SNX15: variants seen among roughly 807,000 people sequenced by gnomAD.
SNX15 encodes the protein sorting nexin 15, also known as sorting nexin-15.
A neutral mutation model predicts 35.2 loss-of-function variants in SNX15; 29 were observed. The ratio of observed to expected loss-of-function variants is 0.82; its 90% confidence interval spans 0.61 to 1.12. The LOEUF (loss-of-function observed/expected upper bound fraction) is 1.12. SNX15 is among the 50% of genes most tolerant of loss of function. SNX15 has a pLI of 0.00. For synonymous variants in SNX15, 189 were observed against 188.2 expected (o/e 1.00, Z -0.03); for missense variants, 400 against 451.5 (o/e 0.89, Z 1.03).
chr11:65,031,172 G>A (rs945895700), intron 1 of SNX15, among the ~76,000 whole-genome samples: 5 of 151,888 alleles, frequency 3.3e-5, no homozygotes, highest in Admixed American at 2.0e-4. Context: ...GGTGTGTCAC[G>A]CCACCACACC....
Position 65,032,479 on chromosome 11 carries a change from C to T in SNX15, c.184C>T (p.Leu62=). 6.2e-7 allele frequency: 1 copy of T among 1,614,166 alleles called. No individual in the cohort carries two copies. Among genetic ancestry groups the T allele is most frequent in the East Asian group, 2.2e-5 (1 of 44,882 alleles). The change falls in exon 3 of 8, where the codon CTG becomes TTG. Residue 62 remains leucine (L), a synonymous_variant. Coordinates refer to ENST00000377244, the MANE Select transcript of SNX15 (RefSeq NM_013306.5). ...CGACTTCCGCAAGCTGCATGGAGACCTGGCCTACACCCACCGCAACCTCTT... is the reference window on the plus strand; with the variant it reads ...CGACTTCCGCAAGCTGCATGGAGACTTGGCCTACACCCACCGCAACCTCTT... The part of the protein sequence containing the change: ...YSDFRKLHGD[L]AYTHRNLFRR...
chr11:65,032,144 C>A, intron 1 of SNX15, 24 bp from the exon 2 acceptor site: 1 of 1,613,722 alleles, frequency 6.2e-7, no homozygotes, highest in Non-Finnish European at 8.5e-7. Context: ...CTGGTCTCAA[C>A]CAGCTCTTGC....
In SNX15 at chr11:65,035,153, T is replaced by C; in HGVS notation, c.467T>C (p.Leu156Pro). 6.3e-7 allele frequency: 1 copy of C among 1,576,732 alleles called. No individual in the cohort carries two copies. Among genetic ancestry groups the C allele is most frequent in the Non-Finnish European group, 8.6e-7 (1 of 1,161,234 alleles). ...IPTPPPDDPR[L>P]SQLLPAERRG... is the part of the protein sequence containing the mutation. ...ACCCCGCCCCCTGATGACCCCCGGC[T>C]ATCCCAACTGCTCCCTGCAGAAAGG... is the stretch of plus-strand genomic sequence containing the variant. The change falls in exon 5 of 8, where the codon CTA becomes CCA. Residue 156 changes from leucine (L) to proline (P), a missense_variant. Physicochemically the swap from Leu to Pro is moderately conservative, Grantham distance 98 (BLOSUM62 -3). Transcript: ENST00000377244.
At chr11:65,029,053 T>C (rs1265032826) in intron 1 of SNX15, among the ~76,000 whole-genome samples, 1 of 151,726 alleles carries the variant, frequency 6.6e-6, no homozygotes, top group East Asian at 1.9e-4. Context: ...ATTGTGCCAC[T>C]GCACTCCAGC....
rs781333296 is a variant in SNX15, at chr11:65,035,677, A to G, written c.664+14A>G. Reference sequence around the variant, plus strand: ...TCTCCAAGGAAGGTAATGAGCTGGGACAGCCGGGAAGGAGCCAGGGCAGGA... The same window carrying G: ...TCTCCAAGGAAGGTAATGAGCTGGGGCAGCCGGGAAGGAGCCAGGGCAGGA... On this transcript the variant is annotated intron_variant, in intron 6 of 7. Transcript: ENST00000377244. 1.3e-6 allele frequency: 2 copies of G among 1,592,772 alleles called. No homozygotes were observed. The highest frequency in any genetic ancestry group is 3.5e-5 in the Admixed American group (2 of 56,574).
chr11:65,038,768 T>C lies in SNX15; in HGVS notation c.861T>C (p.Ala287=), dbSNP rs752486546. The C allele has an allele frequency of 1.2e-6, 2 of 1,600,366 alleles. No homozygotes were observed. Among genetic ancestry groups the C allele is most frequent in the Middle Eastern group, 1.7e-4 (1 of 6,044 alleles). ...TQALRDEKAG[A]YAAALQGYRD... is the part of the protein sequence containing the mutation. Reference sequence around the variant, plus strand: ...CCCTGCGGGATGAGAAGGCAGGCGCTTACGCTGCTGCACTCCAGGGCTATC... The same window carrying C: ...CCCTGCGGGATGAGAAGGCAGGCGCCTACGCTGCTGCACTCCAGGGCTATC... Residue 287 remains alanine (A), a synonymous_variant, in exon 7 of 8, where the codon GCT becomes GCC. Transcript: ENST00000377244.
intron 1 of SNX15, among the ~76,000 whole-genome samples, chr11:65,030,634 G>A (rs1323101852): frequency 7.3e-5 from 11 of 151,230 alleles, no homozygotes; most frequent in African/African-American, 2.7e-4. Context: ...GAGTAGCTGG[G>A]ACTACAGGCA....
rs535070054 is a variant in SNX15, at chr11:65,032,026, C to T, written c.100-142C>T. ...TAAAATTACACGCGAAGGCTTAAAG[C>T]CAGGGTGCCTTGATGCCAGAGGCCA... On this transcript the variant is annotated intron_variant, in intron 1 of 7. Coordinates refer to ENST00000377244, the MANE Select transcript of SNX15 (RefSeq NM_013306.5). 5 of 725,958 alleles carry T rather than the reference C, an allele frequency of 6.9e-6. No individual in the cohort carries two copies. The African/African-American group carries it at 7.1e-5, about 10-fold the overall frequency. The allele number at this position is 725,958 out of a possible 1,614,324, so 45.0% of individuals were successfully genotyped here. A position where few individuals can be genotyped will look rare whatever the true frequency, so the allele number is the denominator to read the frequency against.
chr11:65,039,683 CAGG>C lies in SNX15; in HGVS notation c.923-2_923del. 1 of 1,610,038 alleles carries C rather than the reference CAGG, an allele frequency of 6.2e-7. No homozygotes were observed. Among genetic ancestry groups the C allele is most frequent in the Non-Finnish European group, 8.5e-7 (1 of 1,177,324 alleles). ...GCCTCAGCTGAGCATTCTCTCTCCA[CAGG>C]TGACCCGTTGCCTGCCCGCCAGGAA... On this transcript the variant is annotated splice_acceptor_variant and coding_sequence_variant, in exon 8 of 8. Coordinates refer to ENST00000377244, the MANE Select transcript of SNX15 (RefSeq NM_013306.5). LOFTEE classifies it high-confidence loss of function.
Position 65,039,897 on chromosome 11 carries a change from T to C in SNX15, c.*105T>C, listed in dbSNP as rs769987855. 17 of 668,406 alleles carry C rather than the reference T, an allele frequency of 2.5e-5. No individual in the cohort carries two copies. Among genetic ancestry groups the C allele is most frequent in the Non-Finnish European group, 4.5e-5 (17 of 380,640 alleles). 41.4% of individuals were successfully genotyped at this position (668,406 alleles called of 1,614,324 possible). A position where few individuals can be genotyped will look rare whatever the true frequency, so the allele number is the denominator to read the frequency against. ...CCTGGTCTTGTAATTACAGGAGCCA[T>C]TTCTGTAGGTAACTGGACCAAGAAT... On this transcript the variant is annotated 3_prime_UTR_variant, in exon 8 of 8. Transcript: ENST00000377244.
rs747153458 is a variant in SNX15 at position 65,039,029 on chromosome 11, C to CTTTTTTTTTTTTTTTTTT, written c.922+202_922+219dup. On this transcript the variant is annotated intron_variant, in intron 7 of 7. Coordinates refer to ENST00000377244, the MANE Select transcript of SNX15 (RefSeq NM_013306.5). ...TTGTGGCCTCAGTTTTCTTCTTCCT[C>CTTTTTTTTTTTTTTTTTT]TTTTTTTTTTTTTTTTTTTGAGACA... Among the ~76,000 whole-genome samples the CTTTTTTTTTTTTTTTTTT allele has an allele frequency of 1.4e-3, 100 of 72,486 alleles. 20 individuals are homozygous for CTTTTTTTTTTTTTTTTTT. The highest frequency in any genetic ancestry group is 3.9e-3 in the African/African-American group (85 of 21,838). The allele number at this position is 72,486 out of a possible 152,430, so 47.6% of individuals were successfully genotyped here.
intron 3 of SNX15, among the ~76,000 whole-genome samples, chr11:65,034,056 C>G (rs139627402): frequency 1.1e-3 from 160 of 152,236 alleles, no homozygotes; most frequent in Non-Finnish European, 2.0e-3. Context: ...TCAGGTTATG[C>G]CAGGCCAGTG....
intron 6 of SNX15, chr11:65,037,130 G>A (rs1946512266): frequency 6.6e-6 from 1 of 152,248 alleles, no homozygotes; most frequent in Admixed American, 6.5e-5. Flanking sequence ...CTCTGTCCTT[G>A]TGCCAGCTGA....
In SNX15 at chr11:65,038,585, C is replaced by T. The variant is rs1214259518; in HGVS notation, c.678C>T (p.Pro226=). ...TTCTAACTGCAGAAGGCGCAGCCCC[C>T]AGCCCCACCCATGTGGCTGAGCTGG... ...DPFSKEEGAA[P]SPTHVAELAT... is the part of the protein sequence containing the mutation. The change falls in exon 7 of 8, where the codon CCC becomes CCT. Residue 226 remains proline (P), a synonymous_variant. Coordinates refer to ENST00000377244, the MANE Select transcript of SNX15 (RefSeq NM_013306.5). 2 of 1,561,434 alleles carry T rather than the reference C, an allele frequency of 1.3e-6. No homozygotes were observed. Among genetic ancestry groups the T allele is most frequent in the Non-Finnish European group, 1.7e-6 (2 of 1,153,822 alleles).
chr11:65,029,727 C>T (rs1946419598), intron 1 of SNX15, among the ~76,000 whole-genome samples: 1 of 151,718 alleles, frequency 6.6e-6, no homozygotes, highest in Non-Finnish European at 1.5e-5. Context: ...TAGGCGTGTG[C>T]CACCACACCC....
chr11:65,039,029 C>CTTTGTTTTTTTTTTTTTTTTTTTTT (rs1946538093), intron 7 of SNX15, among the ~76,000 whole-genome samples, 200 bp downstream of exon 7: 1 of 72,528 alleles, frequency 1.4e-5, no homozygotes, highest in Non-Finnish European at 3.1e-5. Flanking sequence ...TCTTCTTCCT[C>CTTTGTTTTTTTTTTTTTTTTTTTTT]TTTTTTTTTT....
chr11:65,035,326 C>T (rs2136936191), intron 5 of SNX15, 120 bp downstream of exon 5: 2 of 1,270,182 alleles, frequency 1.6e-6, no homozygotes, highest in East Asian at 4.8e-5. Flanking sequence ...TATCACTTAA[C>T]TGGCTGAGGA....
In SNX15 at chr11:65,032,507, G is replaced by A. The variant is rs530595640; in HGVS notation, c.212G>A (p.Arg71His). ...GCCTACACCCACCGCAACCTCTTCC[G>A]CCGCCTCGAGGAGTTCCCTGCTTTC... ...DLAYTHRNLF[R>H]RLEEFPAFPR... The change falls in exon 3 of 8, where the codon CGC becomes CAC. Residue 71 changes from arginine (R) to histidine (H), a missense_variant. Coordinates refer to ENST00000377244, the MANE Select transcript of SNX15 (RefSeq NM_013306.5). The A allele has an allele frequency of 7.4e-6, 12 of 1,614,012 alleles. No homozygotes were observed. The highest frequency in any genetic ancestry group is 4.4e-5 in the South Asian group (4 of 91,090).
At position 65,034,868 on chromosome 11, in the gene SNX15, T is replaced by C. The variant is rs748895156; in HGVS notation, c.278T>C (p.Ile93Thr). The C allele has an allele frequency of 6.2e-7, 1 of 1,613,998 alleles. No homozygotes were observed. The highest frequency in any genetic ancestry group is 1.7e-5 in the Admixed American group (1 of 60,002). Residue 93 changes from isoleucine (I) to threonine (T), a missense_variant, in exon 4 of 8, where the codon ATC becomes ACC. Coordinates refer to ENST00000377244, the MANE Select transcript of SNX15 (RefSeq NM_013306.5). ...GTAGGCCGGTTTGAAGCCTCAGTGA[T>C]CGAGGAGCGGCGAAAGGGGGCAGAG... ...QVFGRFEASV[I>T]EERRKGAEDL...
Sources: gnomAD v4.1 joint callset for allele counts (sites outside exome capture counted in the v4.1 genomes callset) on GRCh38, gnomAD v4.1.1 for gene constraint, MANE v1.5 for transcripts, NCBI Gene and HGNC (gene_info 2026-07-23, HGNC 2026-07-21) for gene names.